The following FSHR variants were observed in gnomAD, a reference collection of about 807,000 sequenced individuals.
The protein encoded by FSHR is follicle stimulating hormone receptor, also known as follicle-stimulating hormone receptor.
A neutral mutation model predicts 52.1 loss-of-function variants in FSHR; 46 were observed. The ratio of observed to expected loss-of-function variants is 0.88; its 90% CI spans 0.70 to 1.13. The LOEUF is 1.13. FSHR is among the 50% of genes most tolerant of loss of function. The probability of loss-of-function intolerance (pLI) is 0.00; values close to 1 mark genes in which losing one functional copy is unlikely to be tolerated. For synonymous variants in FSHR, 399 were observed against 309.6 expected (o/e 1.29, Z -3.03); for missense variants, 964 against 834.6 (o/e 1.16, Z -1.91).
At chr2:49,028,564 C>T (rs1046304009) in intron 2 of FSHR, among the ~76,000 whole-genome samples, 2 of 152,164 alleles carry the variant, frequency 1.3e-5, no homozygotes, top group Non-Finnish European at 2.9e-5. Context: ...GCTAACTGTC[C>T]TCAAAAATCA....
intron 8 of FSHR, among the ~76,000 whole-genome samples, chr2:48,979,812 T>C (rs1380658543): frequency 1.3e-5 from 2 of 152,022 alleles, no homozygotes; most frequent in South Asian, 2.1e-4. Flanking sequence ...TCTTTGTGTG[T>C]GTGTGTGTGT....
intron 1 of FSHR, among the ~76,000 whole-genome samples, chr2:49,111,711 G>A (rs866934969): frequency 6.6e-6 from 1 of 152,148 alleles, no homozygotes; most frequent in Non-Finnish European, 1.5e-5. Context: ...CGGCTCCTCA[G>A]CAAGTGTCTA....
chr2:49,007,710 T>A (rs1188712386), intron 4 of FSHR, among the ~76,000 whole-genome samples: 2 of 152,058 alleles, frequency 1.3e-5, no homozygotes, highest in African/African-American at 2.4e-5. Context: ...ACATTAGGAA[T>A]AACGGAAAGG....
At chr2:49,050,904 C>A (rs1504177) in intron 2 of FSHR, among the ~76,000 whole-genome samples, 63,565 of 151,932 alleles carry the variant, frequency 0.42, 14,339 homozygotes, top group Non-Finnish European at 0.5. Context: ...CTAACACCAC[C>A]CTGGGAACCA....
chr2:49,067,667 G>C lies in FSHR; in HGVS notation c.224+552C>G, dbSNP rs960108958. On this transcript the variant is annotated intron_variant, in intron 2 of 9. Transcript: ENST00000406846. ...CATGTCTTGGGAAAACTCTAAATTA[G>C]ACTAGCGCAATGTGAACTGAATGTT... Among the ~76,000 whole-genome samples the C allele has an allele frequency of 3.3e-5, 5 of 152,046 alleles. No homozygotes were observed. In the South Asian group the frequency reaches 6.2e-4, roughly 19 times the overall value.
At chr2:49,058,025 A>G (rs1472066440) in intron 2 of FSHR, among the ~76,000 whole-genome samples, 4 of 152,202 alleles carry the variant, frequency 2.6e-5, no homozygotes, top group African/African-American at 7.2e-5. Context: ...CCGCAACTCA[A>G]TAAAGGCCAT....
intron 1 of FSHR, among the ~76,000 whole-genome samples, chr2:49,154,049 C>T (rs867009654): frequency 2.6e-5 from 4 of 152,110 alleles, no homozygotes; most frequent in African/African-American, 9.7e-5. Flanking sequence ...CTGACACTGC[C>T]GTTCTCTGAC....
At chr2:49,107,769 G>T (rs1411039673) in intron 1 of FSHR, among the ~76,000 whole-genome samples, 2 of 152,148 alleles carry the variant, frequency 1.3e-5, no homozygotes, top group Non-Finnish European at 2.9e-5. Flanking sequence ...GGTTGAAAGA[G>T]ACCTGGTGAC....
intron 4 of FSHR, among the ~76,000 whole-genome samples, chr2:48,991,635 G>C (rs966742253): frequency 4.6e-5 from 7 of 152,236 alleles, no homozygotes; most frequent in African/African-American, 1.7e-4. Context: ...GGCTAGGCCA[G>C]GTGTTGTCCA....
At chr2:49,118,444 T>C (rs982615475) in intron 1 of FSHR, among the ~76,000 whole-genome samples, 5 of 152,140 alleles carry the variant, frequency 3.3e-5, no homozygotes, top group Non-Finnish European at 5.9e-5. Context: ...CCTGTGGCTT[T>C]CACATGGCAG....
chr2:49,030,914 G>A (rs1668078706), intron 2 of FSHR, among the ~76,000 whole-genome samples: 1 of 152,166 alleles, frequency 6.6e-6, no homozygotes, highest in African/African-American at 2.4e-5. Context: ...AAAGGAAATG[G>A]TTTTTAAATG....
intron 1 of FSHR, among the ~76,000 whole-genome samples, chr2:49,126,918 G>T (rs910936851): frequency 6.6e-6 from 1 of 152,298 alleles, no homozygotes; most frequent in African/African-American, 2.4e-5. Context: ...AAATTCATCA[G>T]ACAGAAAGAG....
chr2:48,997,974 C>T (rs1210561479), intron 4 of FSHR, among the ~76,000 whole-genome samples: 3 of 152,128 alleles, frequency 2.0e-5, no homozygotes, highest in African/African-American at 4.8e-5. Context: ...TTCTGATAAA[C>T]CTGCCTGGAT....
intron 1 of FSHR, among the ~76,000 whole-genome samples, chr2:49,141,336 C>T (rs1504172): frequency 0.3 from 44,847 of 151,856 alleles, 6,918 homozygotes; most frequent in East Asian, 0.47. Context: ...TCTGCAGGCT[C>T]TACAGGAAGT....
At chr2:49,084,233 C>T (rs997054365) in intron 1 of FSHR, among the ~76,000 whole-genome samples, 17 of 142,024 alleles carry the variant, frequency 1.2e-4, no homozygotes, top group Non-Finnish European at 2.0e-4. Flanking sequence ...AACAACCTGC[C>T]CCTGAATGAC....
At chr2:48,999,098 G>T (rs1039902622) in intron 4 of FSHR, among the ~76,000 whole-genome samples, 5 of 152,140 alleles carry the variant, frequency 3.3e-5, no homozygotes, top group Non-Finnish European at 7.4e-5. Context: ...CTTGGGAAAA[G>T]AAGCCTGTGT....
chr2:49,134,843 C>T (rs917239661), intron 1 of FSHR, among the ~76,000 whole-genome samples: 2 of 152,162 alleles, frequency 1.3e-5, no homozygotes, highest in African/African-American at 4.8e-5. Flanking sequence ...CATATTCTCA[C>T]TCATAGGTGG....
At chr2:49,026,855 C>T (rs933400976) in intron 2 of FSHR, among the ~76,000 whole-genome samples, 3 of 152,126 alleles carry the variant, frequency 2.0e-5, no homozygotes, top group African/African-American at 2.4e-5. Flanking sequence ...CTGTTGACCC[C>T]CTGAGGTCAC....
chr2:49,145,505 C>T (rs999418116), intron 1 of FSHR, among the ~76,000 whole-genome samples: 1 of 152,064 alleles, frequency 6.6e-6, no homozygotes, highest in Non-Finnish European at 1.5e-5. Flanking sequence ...TGGCTGTCTT[C>T]TTATCATCTC....
Sources: gnomAD v4.1 joint callset for allele counts (sites outside exome capture counted in the v4.1 genomes callset) on GRCh38, gnomAD v4.1.1 for gene constraint, MANE v1.5 for transcripts, NCBI Gene and HGNC (gene_info 2026-07-23, HGNC 2026-07-21) for gene names.